The following TRPC6 variants were observed in gnomAD, a reference collection of about 807,000 sequenced individuals.
TRPC6 encodes the protein short transient receptor potential channel 6.
In TRPC6, 55 loss-of-function variants were observed where a neutral mutation model predicts 90.7. The ratio of observed to expected loss-of-function variants is 0.61; its 90% CI spans 0.49 to 0.76. TRPC6 has a LOEUF of 0.76. Ranked by LOEUF, TRPC6 falls within the 30% of genes least tolerant of loss-of-function variation. The pLI is 0.00. For synonymous variants in TRPC6, 393 were observed against 393.0 expected (o/e 1.00, Z 0.00); for missense variants, 989 against 1,122.7 (o/e 0.88, Z 1.70).
At chr11:101,572,529 A>C (rs1046026053) in intron 1 of TRPC6, among the ~76,000 whole-genome samples, 3 of 152,204 alleles carry the variant, frequency 2.0e-5, no homozygotes, top group Non-Finnish European at 4.4e-5. Context: ...AAGGATTATA[A>C]ATCATTCTGC....
intron 1 of TRPC6, among the ~76,000 whole-genome samples, chr11:101,573,785 C>T (rs1474462407): frequency 1.3e-5 from 2 of 151,856 alleles, no homozygotes; most frequent in African/African-American, 2.4e-5. Context: ...CAGTCATTAC[C>T]GTGACATAGT....
At chr11:101,487,008 G>A (rs769870501) in intron 4 of TRPC6, among the ~76,000 whole-genome samples, 3 of 152,086 alleles carry the variant, frequency 2.0e-5, no homozygotes, top group Non-Finnish European at 4.4e-5. Context: ...AACAAGGATG[G>A]AAAACAGATG....
chr11:101,567,410 C>G (rs1168071980), intron 1 of TRPC6, among the ~76,000 whole-genome samples: 1 of 152,032 alleles, frequency 6.6e-6, no homozygotes, highest in Non-Finnish European at 1.5e-5. Context: ...GACAGAGCAT[C>G]TGGGGGAAGG....
intron 1 of TRPC6, among the ~76,000 whole-genome samples, chr11:101,578,893 C>T (rs1328895566): frequency 6.6e-6 from 1 of 152,034 alleles, no homozygotes; most frequent in Non-Finnish European, 1.5e-5. Flanking sequence ...CTCTCTCATT[C>T]AAATCTCTGT....
chr11:101,537,085 A>G lies in TRPC6; in HGVS notation c.171-32287T>C, dbSNP rs2136810964. On this transcript the variant is annotated intron_variant, in intron 1 of 12. Coordinates refer to ENST00000344327, the MANE Select transcript of TRPC6 (RefSeq NM_004621.6). Reference sequence around the variant, plus strand: ...GAACCTCTGGGGTTATAGTGCTGCCATCTACATTTGGAGTACTTTGGGATA... The same window carrying G: ...GAACCTCTGGGGTTATAGTGCTGCCGTCTACATTTGGAGTACTTTGGGATA... Among the ~76,000 whole-genome samples, 3 of 152,346 alleles carry G rather than the reference A, an allele frequency of 2.0e-5. No individual in the cohort carries two copies. In the South Asian group the frequency reaches 6.2e-4, roughly 32 times the overall value.
At chr11:101,485,427 C>G (rs1257643074) in intron 4 of TRPC6, among the ~76,000 whole-genome samples, 3 of 151,904 alleles carry the variant, frequency 2.0e-5, no homozygotes, top group Non-Finnish European at 4.4e-5. Flanking sequence ...AAATAAACAT[C>G]AATGTTATAT....
At chr11:101,462,616 T>C (rs1407821836) in intron 10 of TRPC6, among the ~76,000 whole-genome samples, 1 of 152,138 alleles carries the variant, frequency 6.6e-6, no homozygotes, top group Non-Finnish European at 1.5e-5. Flanking sequence ...CTGTCTGTTA[T>C]GGGTGTATAG....
At chr11:101,555,555 A>C (rs1861544458) in intron 1 of TRPC6, among the ~76,000 whole-genome samples, 3 of 152,210 alleles carry the variant, frequency 2.0e-5, no homozygotes, top group Admixed American at 2.0e-4. Flanking sequence ...TGACCTAAGG[A>C]CATATGAAGT....
At chr11:101,485,367 C>A (rs1859654197) in intron 4 of TRPC6, among the ~76,000 whole-genome samples, 1 of 151,622 alleles carries the variant, frequency 6.6e-6, no homozygotes, top group African/African-American at 2.4e-5. Context: ...GTTTGATTTT[C>A]TTCTGCCTAT....
At chr11:101,570,071 A>T (rs973997054) in intron 1 of TRPC6, among the ~76,000 whole-genome samples, 2 of 152,186 alleles carry the variant, frequency 1.3e-5, no homozygotes, top group Non-Finnish European at 2.9e-5. Flanking sequence ...AAAAAAATTC[A>T]ATGAATCCAG....
chr11:101,583,283 C>A, intron 1 of TRPC6, 51 bp downstream of exon 1: 1 of 1,535,958 alleles, frequency 6.5e-7, no homozygotes, highest in Non-Finnish European at 8.8e-7. Flanking sequence ...GAGCGCACAA[C>A]CTCCCTCCGC....
At chr11:101,499,755 T>A (rs71462687) in intron 2 of TRPC6, among the ~76,000 whole-genome samples, 29,598 of 29,702 alleles carry the variant, frequency 1, 14,755 homozygotes, top group Middle Eastern at 1. Flanking sequence ...ACACAATATA[T>A]AATGTGTATA....
chr11:101,502,350 T>G (rs918717158), intron 2 of TRPC6, among the ~76,000 whole-genome samples: 1 of 152,190 alleles, frequency 6.6e-6, no homozygotes, highest in Non-Finnish European at 1.5e-5. Context: ...ATAAACCAAT[T>G]GAGGACAGGA....
intron 1 of TRPC6, among the ~76,000 whole-genome samples, chr11:101,545,400 G>T (rs1861279708): frequency 6.6e-6 from 1 of 152,106 alleles, no homozygotes; most frequent in African/African-American, 2.4e-5. Context: ...CATATATTTT[G>T]CTATCTGCGT....
chr11:101,493,494 C>A (rs10895118), intron 2 of TRPC6, among the ~76,000 whole-genome samples: 1 of 151,874 alleles, frequency 6.6e-6, no homozygotes, highest in African/African-American at 2.4e-5. Context: ...GCACCAAAAT[C>A]GAGCTTTAAA....
chr11:101,575,750 A>G (rs1293343110), intron 1 of TRPC6, among the ~76,000 whole-genome samples: 1 of 152,170 alleles, frequency 6.6e-6, no homozygotes, highest in Non-Finnish European at 1.5e-5. Context: ...ACAGAAAGAG[A>G]AAGTGGGGGT....
intron 3 of TRPC6, among the ~76,000 whole-genome samples, chr11:101,490,097 G>T (rs954002236): frequency 1.3e-5 from 2 of 152,068 alleles, no homozygotes; most frequent in South Asian, 4.1e-4. Context: ...TTTTGTTTAC[G>T]AGTAAAAGTC....
At chr11:101,555,808 G>C (rs11224853) in intron 1 of TRPC6, among the ~76,000 whole-genome samples, 15,746 of 152,006 alleles carry the variant, frequency 0.1, 1,596 homozygotes, top group East Asian at 0.54. Context: ...TACAAAACTT[G>C]AAGAACAGTG....
chr11:101,476,715 T>C (rs1368975307), intron 5 of TRPC6, among the ~76,000 whole-genome samples, 181 bp from the exon 6 acceptor site: 8 of 152,174 alleles, frequency 5.3e-5, no homozygotes, highest in African/African-American at 1.7e-4. Flanking sequence ...GAAATATCAG[T>C]GCATACCTGA....
Sources: gnomAD v4.1 joint callset for allele counts (sites outside exome capture counted in the v4.1 genomes callset) on GRCh38, gnomAD v4.1.1 for gene constraint, MANE v1.5 for transcripts, NCBI Gene and HGNC (gene_info 2026-07-23, HGNC 2026-07-21) for gene names.